Variants in H2AZ2 observed in about 807,000 individuals in gnomAD.
The protein encoded by H2AZ2 is H2A.Z variant histone 2.
In H2AZ2, 5 loss-of-function variants were observed where a neutral mutation model predicts 15.5. That is an observed-to-expected ratio of 0.32 (90% CI 0.17 to 0.68). The LOEUF is 0.68. Ranked by LOEUF, H2AZ2 falls within the 30% of genes least tolerant of loss-of-function variation. The pLI is 0.72. For synonymous variants in H2AZ2, 44 were observed against 57.4 expected, an observed-to-expected ratio of 0.77 and a Z score of 1.05; for missense variants, 42 against 162.5, an observed-to-expected ratio of 0.26 and a Z score of 4.03.
At position 44,843,319 on chromosome 7, in the gene H2AZ2, G is replaced by C; in HGVS notation, c.39C>G (p.Ala13=). Residue 13 remains alanine (A), a synonymous_variant, in exon 2 of 5, where the codon GCC becomes GCG. Coordinates refer to ENST00000308153, the MANE Select transcript of H2AZ2 (RefSeq NM_012412.5). ...GTGAGCGAGATACTGCCTTAGCCTTGGCCTTCCCACTGTCCTTTCCAGCTT... is the reference window on the plus strand; with the variant it reads ...GTGAGCGAGATACTGCCTTAGCCTTCGCCTTCCCACTGTCCTTTCCAGCTT... The part of the protein sequence containing the change: ...GGKAGKDSGK[A]KAKAVSRSQR... 1 of 1,612,920 alleles carries C rather than the reference G, an allele frequency of 6.2e-7. No individual in the cohort carries two copies. The highest frequency in any genetic ancestry group is 1.1e-5 in the South Asian group (1 of 90,878).
downstream of H2AZ2, among the ~76,000 whole-genome samples, chr7:44,831,974 G>A (rs776926218): frequency 6.6e-6 from 1 of 152,082 alleles, no homozygotes; most frequent in Non-Finnish European, 1.5e-5. Flanking sequence ...CAGAACAACA[G>A]AAGCCCTCTA....
chr7:44,837,839 GGGGC>G (rs1317867039), intron 3 of H2AZ2, among the ~76,000 whole-genome samples: 2 of 83,962 alleles, frequency 2.4e-5, no homozygotes, highest in Non-Finnish European at 7.4e-5. Flanking sequence ...AAAGGGGGGG[GGGGC>G]TTAGATAGAT....
At chr7:44,846,056 C>G (rs369179565) in intron 1 of H2AZ2, among the ~76,000 whole-genome samples, 18 of 91,824 alleles carry the variant, frequency 2.0e-4, no homozygotes, top group East Asian at 6.4e-4. Flanking sequence ...CACACACACA[C>G]ACACACAGAG....
In H2AZ2 at chr7:44,834,393, A is replaced by G. The variant is rs548958719; in HGVS notation, c.*108T>C. 2.0e-6 allele frequency: 3 copies of G among 1,464,724 alleles called. No individual in the cohort carries two copies. The East Asian group carries it at 7.2e-5, about 35-fold the overall frequency. 90.7% of individuals were successfully genotyped at this position (1,464,724 alleles called of 1,614,324 possible). A position where few individuals can be genotyped will look rare whatever the true frequency, so the allele number is the denominator to read the frequency against. On this transcript the variant is annotated 3_prime_UTR_variant, in exon 5 of 5. Transcript: ENST00000308153. ...TTTATCATGTCTACAGTAATTGTCT[A>G]TGCTTTTCCATTTAACTGTTGTTAA... is the stretch of plus-strand genomic sequence containing the variant.
intron 2 of H2AZ2, among the ~76,000 whole-genome samples, chr7:44,841,351 T>C (rs1232694182): frequency 6.6e-6 from 1 of 152,194 alleles, no homozygotes; most frequent in African/African-American, 2.4e-5. Flanking sequence ...GAACCTCCAA[T>C]ACCTTCCTCA....
intron 3 of H2AZ2, among the ~76,000 whole-genome samples, chr7:44,840,025 ATAAATAAATAAATAAATAAT>A (rs1376109711): frequency 1.3e-5 from 2 of 150,412 alleles, no homozygotes; most frequent in African/African-American, 4.9e-5. Context: ...AAATAAATAA[ATAAATAAATAAATAAATAAT>A]TAGCCAGGTG....
Position 44,848,080 on chromosome 7 carries a change from T to C in H2AZ2, c.-109A>G. ...GACCGCCGCCGCCGGAGCCGGACAA[T>C]ACCCCGTGCCCGCCTCGCGCTGCTG... On this transcript the variant is annotated 5_prime_UTR_variant, in exon 1 of 5. Coordinates refer to ENST00000308153, the MANE Select transcript of H2AZ2 (RefSeq NM_012412.5). The C allele has an allele frequency of 1.7e-6, 1 of 574,822 alleles. No individual in the cohort carries two copies. The highest frequency in any genetic ancestry group is 2.5e-6 in the Non-Finnish European group (1 of 396,052). 35.6% of individuals were successfully genotyped at this position (574,822 alleles called of 1,614,324 possible).
intron 3 of H2AZ2, among the ~76,000 whole-genome samples, chr7:44,836,122 CTTTTTTGTATTTTTG>C (rs1793117340): frequency 6.6e-6 from 1 of 152,044 alleles, no homozygotes; most frequent in African/African-American, 2.4e-5. Flanking sequence ...CCAAACCCGG[CTTTTTTGTATTTTTG>C]TTTTTTGTAG....
chr7:44,836,349 T>C (rs1002306270), intron 3 of H2AZ2, among the ~76,000 whole-genome samples: 6 of 152,044 alleles, frequency 3.9e-5, no homozygotes, highest in Admixed American at 1.3e-4. Flanking sequence ...TTTTAGAAGT[T>C]TTCAAATGTA....
At chr7:44,830,278 T>C (rs1278370901), downstream of H2AZ2, 4 of 989,434 alleles carry the variant, frequency 4.0e-6, no homozygotes, top group African/African-American at 4.9e-5. Context: ...TAACTATAGA[T>C]ATAGGTGGTG....
At chr7:44,831,552 TCAAA>T (rs1793000818), downstream of H2AZ2, among the ~76,000 whole-genome samples, 2 of 151,922 alleles carry the variant, frequency 1.3e-5, no homozygotes, top group South Asian at 2.1e-4. Context: ...TTCTTTTTTT[TCAAA>T]CAATCAGCTT....
chr7:44,834,829 T>A (rs1056883371), intron 4 of H2AZ2: 1 of 271,322 alleles, frequency 3.7e-6, no homozygotes, highest in Non-Finnish European at 6.9e-6. Flanking sequence ...TTGTCGCCAA[T>A]GCTGGGGTGC....
chr7:44,830,349 T>G (rs567725235), downstream of H2AZ2, among the ~76,000 whole-genome samples: 1 of 152,340 alleles, frequency 6.6e-6, no homozygotes, highest in South Asian at 2.1e-4. Flanking sequence ...ATTTTCATAA[T>G]GTCAGAAGCA....
Position 44,835,242 on chromosome 7 carries a change from AAC to A in H2AZ2, c.325+285_325+286del, listed in dbSNP as rs1793091412. 7.6e-6 allele frequency: 3 copies of A among 396,096 alleles called. No individual in the cohort carries two copies. In the East Asian group the frequency reaches 1.1e-4, roughly 15 times the overall value. 24.5% of individuals were successfully genotyped at this position (396,096 alleles called of 1,614,324 possible). ...TGCAACTTCTCCAACTCATTTTTCA[AAC>A]ACAGTTAAAAAAGTATGGGAAATAT... is the stretch of plus-strand genomic sequence containing the variant. On this transcript the variant is annotated intron_variant, in intron 4 of 4. Transcript: ENST00000308153.
downstream of H2AZ2, among the ~76,000 whole-genome samples, chr7:44,830,511 T>C (rs1792985194): frequency 6.6e-6 from 1 of 152,180 alleles, no homozygotes; most frequent in Non-Finnish European, 1.5e-5. Flanking sequence ...GTTTCCCCAC[T>C]GGACTCTTCC....
At chr7:44,840,440 G>A (rs909337761) in intron 3 of H2AZ2, among the ~76,000 whole-genome samples, 1 of 152,094 alleles carries the variant, frequency 6.6e-6, no homozygotes, top group Non-Finnish European at 1.5e-5. Flanking sequence ...TTGGCATTGG[G>A]TAATAGCTGA....
chr7:44,835,608 G>A lies in H2AZ2; in HGVS notation c.246C>T (p.Ile82=), dbSNP rs1793100225. 1 of 1,613,218 alleles carries A rather than the reference G, an allele frequency of 6.2e-7. No homozygotes were observed. The highest frequency in any genetic ancestry group is 2.2e-5 in the East Asian group (1 of 44,866). ...NASKDLKVKR[I]TPRHLQLAIR... ...TTGCAAGCTGCAAGTGACGCGGAGT[G>A]ATACGCTTTACTTTGAGATCCTTAG... Residue 82 remains isoleucine (I), a synonymous_variant, in exon 4 of 5, where the codon ATC becomes ATT. Coordinates refer to ENST00000308153, the MANE Select transcript of H2AZ2 (RefSeq NM_012412.5).
intron 4 of H2AZ2, 100 bp downstream of exon 4, chr7:44,835,429 T>C: frequency 1.1e-6 from 1 of 897,438 alleles, no homozygotes; most frequent in Non-Finnish European, 1.6e-6. Context: ...AAAGTTTATA[T>C]GCTTTCTAGT....
At chr7:44,830,305 G>A, downstream of H2AZ2, 1 of 755,774 alleles carries the variant, frequency 1.3e-6, no homozygotes, top group South Asian at 2.1e-5. Flanking sequence ...AGAATTCACT[G>A]GATAACTACT....
Sources: allele counts gnomAD v4.1 joint callset (sites outside exome capture counted in the v4.1 genomes callset), GRCh38; gene constraint gnomAD v4.1.1; transcripts MANE v1.5; gene names NCBI Gene and HGNC (gene_info 2026-07-23, HGNC 2026-07-21).